MMD2: variants seen among roughly 807,000 people sequenced by gnomAD.
The protein encoded by MMD2 is monocyte to macrophage differentiation associated 2.
MMD2 carries 30 observed loss-of-function variants against 33.5 expected under a neutral mutation model. The ratio of observed to expected loss-of-function variants is 0.90; its 90% CI spans 0.67 to 1.22. MMD2 has a LOEUF of 1.22. Ranked by LOEUF, MMD2 falls within the 50% of genes most tolerant of loss-of-function variation. MMD2 has a pLI of 0.00. For missense variants in MMD2, 364 were observed against 325.4 expected (o/e 1.12, Z -0.91); for synonymous variants, 129 against 123.0 (o/e 1.05, Z -0.32).
intron 3 of MMD2, among the ~76,000 whole-genome samples, chr7:4,919,310 C>T (rs991977852): frequency 7.9e-5 from 12 of 151,912 alleles, no homozygotes; most frequent in African/African-American, 2.2e-4. Context: ...GGCTCATTTC[C>T]GAAACTCCAG....
intron 1 of MMD2, among the ~76,000 whole-genome samples, chr7:4,926,890 G>A (rs955570457): frequency 5.9e-5 from 9 of 151,878 alleles, no homozygotes; most frequent in African/African-American, 2.2e-4. Flanking sequence ...GACTACAGGC[G>A]CCCGCCATCA....
At chr7:4,909,082 T>A (rs1178180266) in intron 6 of MMD2, among the ~76,000 whole-genome samples, 1 of 152,092 alleles carries the variant, frequency 6.6e-6, no homozygotes, top group African/African-American at 2.4e-5. Flanking sequence ...GAGAAAATAA[T>A]TTTTGTTTTT....
At chr7:4,924,503 G>A (rs560746487) in intron 2 of MMD2, among the ~76,000 whole-genome samples, 19 of 152,346 alleles carry the variant, frequency 1.2e-4, no homozygotes, top group Admixed American at 3.3e-4. Flanking sequence ...CATTGCCAGG[G>A]CCTGGAGCAC....
In MMD2 at chr7:4,920,296, G is replaced by A. The variant is rs1027956978; in HGVS notation, c.165C>T (p.Asn55=). The stretch of plus-strand genomic sequence containing the variant: ...AGTCATCGTCCGACAGGAAGTAGAG[G>A]TTGGAGCTGCCCAGGATGCTGGGGA... ...WIIPSILGSS[N]LYFLSDDDWE... Residue 55 remains asparagine, a synonymous_variant, in exon 3 of 7, where the codon AAC becomes AAT. Coordinates refer to ENST00000401401, the MANE Select transcript of MMD2 (RefSeq NM_198403.4). The A allele has an allele frequency of 2.5e-6, 4 of 1,609,396 alleles. No homozygotes were observed. The highest frequency in any genetic ancestry group is 1.7e-4 in the Middle Eastern group (1 of 6,058).
At chr7:4,926,370 A>G (rs1475271571) in intron 1 of MMD2, among the ~76,000 whole-genome samples, 1 of 152,168 alleles carries the variant, frequency 6.6e-6, no homozygotes, top group African/African-American at 2.4e-5. Context: ...CTGGGATTAC[A>G]GGCGTGAGCC....
chr7:4,933,842 AG>A (rs1372906347), intron 1 of MMD2, among the ~76,000 whole-genome samples: 1 of 151,936 alleles, frequency 6.6e-6, no homozygotes, highest in Non-Finnish European at 1.5e-5. Flanking sequence ...TATGTTGCCC[AG>A]GCTGGTCTCA....
At chr7:4,910,012 A>G (rs768200927) in intron 5 of MMD2, 62 bp from the exon 6 acceptor site, 6 of 1,613,942 alleles carry the variant, frequency 3.7e-6, no homozygotes, top group Admixed American at 1.7e-5. Flanking sequence ...AACTGCACAC[A>G]GCTCCCTGTT....
chr7:4,899,845 C>G, the MMD2 span, among the ~76,000 whole-genome samples: 1 of 152,190 alleles, frequency 6.6e-6, no homozygotes, highest in Non-Finnish European at 1.5e-5. Flanking sequence ...AACCTAACAC[C>G]TAACCCATAA....
At chr7:4,903,763 G>A (rs191634231), downstream of MMD2, among the ~76,000 whole-genome samples, 41 of 152,302 alleles carry the variant, frequency 2.7e-4, no homozygotes, top group African/African-American at 7.7e-4. Flanking sequence ...CCCACTGAGC[G>A]CAGGTGCAGA....
At chr7:4,916,148 GT>G in intron 3 of MMD2, 69 bp from the exon 4 acceptor site, 1 of 1,473,148 alleles carries the variant, frequency 6.8e-7, no homozygotes, top group Non-Finnish European at 9.5e-7. Flanking sequence ...CCCCAGAGCC[GT>G]GCCCTGGACT....
At chr7:4,952,565 C>A (rs984159931) in intron 1 of MMD2, among the ~76,000 whole-genome samples, 1 of 152,160 alleles carries the variant, frequency 6.6e-6, no homozygotes, top group Non-Finnish European at 1.5e-5. Context: ...CCACTCTGCA[C>A]GCATTTCCTC....
chr7:4,949,531 T>A lies in MMD2; in HGVS notation c.47+9440A>T, dbSNP rs539279623. Among the ~76,000 whole-genome samples, 47 of 151,984 alleles carry A rather than the reference T, an allele frequency of 3.1e-4. No individual in the cohort carries two copies. In the South Asian group the frequency reaches 9.4e-3, roughly 30 times the overall value. On this transcript the variant is annotated intron_variant, in intron 1 of 6. Transcript: ENST00000401401. ...ACAGAATCTCAGTCTTTTTTTTTTT[T>A]AGATGGAGTCTCACTCTCTTGCCAC...
chr7:4,921,178 G>A (rs955304263), intron 2 of MMD2, among the ~76,000 whole-genome samples: 12 of 151,972 alleles, frequency 7.9e-5, no homozygotes, highest in East Asian at 5.8e-4. Flanking sequence ...CCCTCTCTGG[G>A]CCACCACACA....
At chr7:4,929,563 C>A (rs1785520860) in intron 1 of MMD2, among the ~76,000 whole-genome samples, 1 of 151,342 alleles carries the variant, frequency 6.6e-6, no homozygotes, top group African/African-American at 2.4e-5. Flanking sequence ...CTTGCTCTGT[C>A]GCCCAGGCTG....
At chr7:4,903,027 C>G (rs1784815179), downstream of MMD2, among the ~76,000 whole-genome samples, 1 of 152,208 alleles carries the variant, frequency 6.6e-6, no homozygotes, top group Non-Finnish European at 1.5e-5. Context: ...CACTTGAAGT[C>G]AGGAGTTCGA....
chr7:4,893,912 G>A, the MMD2 span, among the ~76,000 whole-genome samples: 1 of 152,122 alleles, frequency 6.6e-6, no homozygotes, highest in Non-Finnish European at 1.5e-5. Flanking sequence ...GACGACCAGA[G>A]GTCACTTTCC....
At chr7:4,947,617 T>C (rs1165053681) in intron 1 of MMD2, among the ~76,000 whole-genome samples, 1 of 149,070 alleles carries the variant, frequency 6.7e-6, no homozygotes, top group African/African-American at 2.5e-5. Flanking sequence ...ATGGTCTCAA[T>C]CTCCTGACCT....
chr7:4,903,393 C>T (rs1187709070), downstream of MMD2, among the ~76,000 whole-genome samples: 1 of 152,110 alleles, frequency 6.6e-6, no homozygotes, highest in Non-Finnish European at 1.5e-5. Context: ...ATCTGCATCC[C>T]CCTCCCCACC....
intron 1 of MMD2, among the ~76,000 whole-genome samples, chr7:4,937,617 T>A (rs188193805): frequency 6.6e-6 from 1 of 152,176 alleles, no homozygotes; most frequent in Admixed American, 6.6e-5. Flanking sequence ...CAAGCGATGT[T>A]CCTGCTTCAG....
Sources: gnomAD v4.1 joint callset for allele counts (sites outside exome capture counted in the v4.1 genomes callset) on GRCh38, gnomAD v4.1.1 for gene constraint, MANE v1.5 for transcripts, NCBI Gene and HGNC (gene_info 2026-07-23, HGNC 2026-07-21) for gene names.